The following NPHP4 variants were observed in gnomAD, a reference collection of about 807,000 sequenced individuals.
NPHP4 encodes nephrocystin-4.
NPHP4 carries 151 observed loss-of-function variants against 155.8 expected under a neutral mutation model. That is an observed-to-expected ratio of 0.97 (90% CI 0.85 to 1.11). NPHP4 has a LOEUF of 1.11. Ranked by LOEUF, NPHP4 falls within the 50% of genes least tolerant of loss-of-function variation. NPHP4 has a pLI of 0.00. For synonymous variants in NPHP4, 845 were observed against 816.8 expected (o/e 1.03, Z -0.59); for missense variants, 1,956 against 1,925.7 (o/e 1.02, Z -0.29).
chr1:5,927,585 C>A, intron 11 of NPHP4, 64 bp downstream of exon 11: 1 of 1,524,478 alleles, frequency 6.6e-7, no homozygotes, highest in Non-Finnish European at 8.9e-7. Context: ...GTACCTTTCC[C>A]CGGGAAGAGA....
rs1410917615 is a variant in NPHP4, at chr1:5,879,818, C to CACACACACACGCAA, written c.2611+295_2611+296insTTGCGTGTGTGTGT. Among the ~76,000 whole-genome samples, 35 of 50,182 alleles carry CACACACACACGCAA rather than the reference C, an allele frequency of 7.0e-4. 1 individual carries two copies. The highest frequency in any genetic ancestry group is 3.4e-3 in the East Asian group (1 of 298). The allele number at this position is 50,182 out of a possible 152,430, so 32.9% of individuals were successfully genotyped here. On this transcript the variant is annotated intron_variant, in intron 19 of 29. Coordinates refer to ENST00000378156, the MANE Select transcript of NPHP4 (RefSeq NM_015102.5). ...ACGCAAACACACACACACACGCAAA[C>CACACACACACGCAA]ACACACACACACGCAAACACACACA...
At chr1:5,972,736 ATTTC>A (rs1050164597) in intron 3 of NPHP4, among the ~76,000 whole-genome samples, 28 of 152,046 alleles carry the variant, frequency 1.8e-4, no homozygotes, top group African/African-American at 3.1e-4. Flanking sequence ...AATTAATTTA[ATTTC>A]TTTCTTTCTT....
chr1:5,866,393 G>A lies in NPHP4; in HGVS notation c.3624C>T (p.Asp1208=). Residue 1208 remains aspartate, a synonymous_variant, in exon 26 of 30, where the codon GAC becomes GAT. Transcript: ENST00000378156. ...CTTACGAGTAAATGATGACAAAGAA[G>A]TCTTTGATCTCCGGGCTTGGACCAC... ...VASGPSPEIK[D]FFVIIYSDRW... is the part of the protein sequence containing the mutation. 1 of 1,608,442 alleles carries A rather than the reference G, an allele frequency of 6.2e-7. No homozygotes were observed.
rs760246670 is a variant in NPHP4, at chr1:5,877,128, C to T, written c.2782G>A (p.Gly928Arg). ...RMRSVRLQEA[G>R]GDLGRRGTSV... ...GTCCCGCGCCGGCCCAAGTCTCCCCCGGCCTCCTGCAGGCGCACAGACCTC... is the reference window on the plus strand; with the variant it reads ...GTCCCGCGCCGGCCCAAGTCTCCCCTGGCCTCCTGCAGGCGCACAGACCTC... Residue 928 changes from glycine to arginine, a missense_variant, in exon 20 of 30, where the codon GGG becomes AGG. Transcript: ENST00000378156. 40 of 1,587,880 alleles carry T rather than the reference C, an allele frequency of 2.5e-5. No homozygotes were observed. Among genetic ancestry groups the T allele is most frequent in the Middle Eastern group, 3.4e-4 (2 of 5,906 alleles).
rs555193235 is a variant in NPHP4, at chr1:5,959,108, T to C, written c.673+2686A>G. On this transcript the variant is annotated intron_variant, in intron 6 of 29. Transcript: ENST00000378156. ...TCTCTCCGAAAGGCGCATACGACCC[T>C]TACCTGGTGGAGTCAGTCAGTCCCC... Among the ~76,000 whole-genome samples, 236 of 151,970 alleles carry C rather than the reference T, an allele frequency of 1.6e-3. 1 individual carries two copies. Among genetic ancestry groups the C allele is most frequent in the Middle Eastern group, 0.014 (4 of 294 alleles).
intron 15 of NPHP4, 94 bp from the exon 16 acceptor site, chr1:5,904,898 C>T: frequency 7.9e-7 from 1 of 1,263,628 alleles, no homozygotes; most frequent in Non-Finnish European, 1.1e-6. Context: ...GTCCAGGCAC[C>T]TTAGTCGCTG....
Position 5,947,165 on chromosome 1 carries a change from G to C in NPHP4, c.1058C>G (p.Ala353Gly). Residue 353 changes from alanine (A) to glycine (G), a missense_variant, in exon 9 of 30, where the codon GCA becomes GGA. By Grantham distance (60) the Ala-to-Gly change is moderately conservative. Transcript: ENST00000378156. ...LRLPEMVGHP[A>G]FAVIFQLEYV... ...CTCCAGCTGGAAGATGACCGCAAAT[G>C]CAGGGTGGCCGACCATCTCTGGGAG... is the stretch of plus-strand genomic sequence containing the variant. 2 of 1,613,946 alleles carry C rather than the reference G, an allele frequency of 1.2e-6. No individual in the cohort carries two copies. The highest frequency in any genetic ancestry group is 1.7e-6 in the Non-Finnish European group (2 of 1,179,858).
intron 3 of NPHP4, 24 bp downstream of exon 3, chr1:5,978,246 C>A: frequency 6.3e-7 from 1 of 1,595,262 alleles, no homozygotes; most frequent in East Asian, 2.3e-5. Context: ...TGGAGCAGCC[C>A]CTGCCACCAT....
intron 10 of NPHP4, among the ~76,000 whole-genome samples, chr1:5,928,277 A>T (rs984011293): frequency 2.6e-5 from 4 of 152,230 alleles, no homozygotes; most frequent in Non-Finnish European, 5.9e-5. Flanking sequence ...TCTTTTTGAG[A>T]ATGTCAAAAA....
intron 5 of NPHP4, among the ~76,000 whole-genome samples, chr1:5,963,629 C>T (rs765797374): frequency 6.6e-5 from 10 of 151,940 alleles, no homozygotes; most frequent in African/African-American, 1.7e-4. Context: ...TAAGAATTCA[C>T]GCACATGCTC....
intron 5 of NPHP4, among the ~76,000 whole-genome samples, 175 bp from the exon 6 acceptor site, chr1:5,962,124 C>A (rs546344152): frequency 2.0e-5 from 3 of 152,162 alleles, no homozygotes; most frequent in Non-Finnish European, 2.9e-5. Flanking sequence ...TCTTTAATAA[C>A]CTTCTCTGGT....
intron 12 of NPHP4, among the ~76,000 whole-genome samples, chr1:5,907,691 C>G (rs1230115394): frequency 9.2e-6 from 1 of 108,424 alleles, no homozygotes; most frequent in Non-Finnish European, 1.8e-5. Flanking sequence ...GTGCCCGTGC[C>G]AACGTGGCAT....
intron 23 of NPHP4, 132 bp from the exon 24 acceptor site, chr1:5,868,028 G>T: frequency 1.0e-6 from 1 of 998,448 alleles, no homozygotes; most frequent in Non-Finnish European, 1.6e-6. Context: ...GAGCGGGGAA[G>T]GTCGGGCATC....
intron 11 of NPHP4, among the ~76,000 whole-genome samples, chr1:5,918,271 T>C (rs966258177): frequency 1.3e-5 from 2 of 152,168 alleles, no homozygotes; most frequent in Non-Finnish European, 2.9e-5. Flanking sequence ...GAAAGTTTAA[T>C]ATATGCCTTT....
chr1:5,901,472 A>C (rs983739022), intron 16 of NPHP4, among the ~76,000 whole-genome samples: 9 of 152,246 alleles, frequency 5.9e-5, no homozygotes, highest in Non-Finnish European at 1.0e-4. Flanking sequence ...ACTTCAACTT[A>C]AGAATTTTGG....
At position 5,877,022 on chromosome 1, in the gene NPHP4, G is replaced by C. The variant is rs527420724; in HGVS notation, c.2817+71C>G. ...GTAAGAGAGAATCATGTGGGAGGCA[G>C]GGAAAGGATGTGCACAGTGACTCAG... On this transcript the variant is annotated intron_variant, in intron 20 of 29. Coordinates refer to ENST00000378156, the MANE Select transcript of NPHP4 (RefSeq NM_015102.5). The C allele has an allele frequency of 7.8e-6, 8 of 1,031,704 alleles. No individual in the cohort carries two copies. The African/African-American group carries it at 1.3e-4, about 17-fold the overall frequency. The allele number at this position is 1,031,704 out of a possible 1,614,324, so 63.9% of individuals were successfully genotyped here.
At chr1:5,984,693 G>A (rs762955873) in intron 2 of NPHP4, among the ~76,000 whole-genome samples, 6 of 152,122 alleles carry the variant, frequency 3.9e-5, no homozygotes, top group Non-Finnish European at 8.8e-5. Flanking sequence ...AGGTGCCTGG[G>A]GATGCCATGG....
intron 23 of NPHP4, among the ~76,000 whole-genome samples, chr1:5,872,536 T>C (rs1642112111): frequency 6.6e-6 from 1 of 152,120 alleles, no homozygotes. Flanking sequence ...TTAAATAAAA[T>C]AAAGCAAGTT....
intron 3 of NPHP4, 45 bp from the exon 4 acceptor site, chr1:5,969,304 C>T (rs1291340052): frequency 2.2e-6 from 3 of 1,381,804 alleles, no homozygotes; most frequent in Non-Finnish European, 2.9e-6. Flanking sequence ...TCAGGACACA[C>T]ACAAAGAGGA....
Sources: gnomAD v4.1 joint callset for allele counts (sites outside exome capture counted in the v4.1 genomes callset) on GRCh38, gnomAD v4.1.1 for gene constraint, MANE v1.5 for transcripts, NCBI Gene and HGNC (gene_info 2026-07-23, HGNC 2026-07-21) for gene names.